The following MCC variants were observed in gnomAD, a reference collection of about 807,000 sequenced individuals.
MCC encodes the protein MCC regulator of Wnt signaling pathway, also known as colorectal mutant cancer protein.
A neutral mutation model predicts 116.2 loss-of-function variants in MCC; 90 were observed. The observed-to-expected ratio is 0.77, with a 90% CI of 0.65 to 0.92. The LOEUF (loss-of-function observed/expected upper bound fraction) is 0.92. Ranked by LOEUF, MCC falls within the 40% of genes least tolerant of loss-of-function variation. The pLI, the probability that MCC is intolerant of heterozygous loss-of-function variation, is 0.00. For missense variants in MCC, 1,516 were observed against 1,312.2 expected, an observed-to-expected ratio of 1.16 and a Z score of -2.40; for synonymous variants, 578 against 510.5, an observed-to-expected ratio of 1.13 and a Z score of -1.78.
At chr5:113,270,248 T>C (rs17135525) in intron 3 of MCC, among the ~76,000 whole-genome samples, 4,906 of 152,168 alleles carry the variant, frequency 0.032, 107 homozygotes, top group East Asian at 0.076. Flanking sequence ...TAGTTCTAAG[T>C]CAGTAATGAA....
intron 3 of MCC, among the ~76,000 whole-genome samples, chr5:113,332,927 A>C (rs10076501): frequency 0.57 from 86,866 of 151,384 alleles, 26,687 homozygotes; most frequent in African/African-American, 0.75. Flanking sequence ...TTTATTTCAA[A>C]ATTTCTGAAA....
intron 1 of MCC, among the ~76,000 whole-genome samples, chr5:113,395,018 T>G (rs1189568228): frequency 6.6e-6 from 1 of 152,212 alleles, no homozygotes; most frequent in Non-Finnish European, 1.5e-5. Flanking sequence ...TATGACCCTT[T>G]ACAGAAAAAG....
At chr5:113,314,173 C>A (rs1308439300) in intron 3 of MCC, among the ~76,000 whole-genome samples, 2 of 152,104 alleles carry the variant, frequency 1.3e-5, no homozygotes, top group Non-Finnish European at 2.9e-5. Flanking sequence ...CCCAGGGAGG[C>A]CTGTATAAAA....
At chr5:113,413,558 T>C (rs1418922248) in intron 1 of MCC, among the ~76,000 whole-genome samples, 4 of 152,256 alleles carry the variant, frequency 2.6e-5, no homozygotes, top group Admixed American at 1.3e-4. Context: ...TTTATTTGCA[T>C]AGAGGTGTTT....
chr5:113,245,206 G>A lies in MCC; in HGVS notation c.628-93784C>T, dbSNP rs184175931. The stretch of plus-strand genomic sequence containing the variant: ...CACCAGGAGGCCGAGGCAGGAGAAC[G>A]GCTTGAACCAGGGAGGCAGAAGTTG... On this transcript the variant is annotated intron_variant, in intron 3 of 18. Coordinates refer to ENST00000408903, the MANE Select transcript of MCC (RefSeq NM_001085377.2). Among the ~76,000 whole-genome samples the A allele has an allele frequency of 1.1e-3, 167 of 151,492 alleles. 1 individual carries two copies. The highest frequency in any genetic ancestry group is 3.8e-3 in the African/African-American group (158 of 41,204).
intron 1 of MCC, among the ~76,000 whole-genome samples, chr5:113,480,666 A>C (rs548733043): frequency 9.2e-5 from 14 of 152,366 alleles, no homozygotes; most frequent in Middle Eastern, 3.4e-3. Flanking sequence ...ACTATAGAAA[A>C]TAGTTTGCTG....
intron 2 of MCC, among the ~76,000 whole-genome samples, chr5:113,381,196 T>C (rs1044095195): frequency 6.6e-6 from 1 of 152,182 alleles, no homozygotes; most frequent in Non-Finnish European, 1.5e-5. Context: ...GCTATACTTT[T>C]GCACGCGAGA....
chr5:113,414,291 G>A (rs112240337), intron 1 of MCC, among the ~76,000 whole-genome samples: 4 of 152,164 alleles, frequency 2.6e-5, no homozygotes, highest in African/African-American at 7.2e-5. Flanking sequence ...GGTCCACTTG[G>A]TGCAGAGCTG....
rs1767357961 is a variant in MCC, at chr5:113,319,120, A to G, written c.627+21399T>C. ...TGGGCTCAAGCAATTCACCCACCTC[A>G]GCCACACAAAGTGCTGAAACTATAG... On this transcript the variant is annotated intron_variant, in intron 3 of 18. Coordinates refer to ENST00000408903, the MANE Select transcript of MCC (RefSeq NM_001085377.2). 3.3e-5 allele frequency among the ~76,000 whole-genome samples: 5 copies of G among 152,234 alleles called. No homozygotes were observed. The South Asian group carries it at 1.0e-3, about 31-fold the overall frequency.
intron 3 of MCC, among the ~76,000 whole-genome samples, chr5:113,153,550 C>A (rs1318275484): frequency 2.0e-5 from 3 of 152,226 alleles, no homozygotes; most frequent in South Asian, 4.1e-4. Flanking sequence ...GGGGGCAGGT[C>A]CCTTCACTTC....
At chr5:113,430,568 A>G (rs943022833) in intron 1 of MCC, among the ~76,000 whole-genome samples, 20 of 152,244 alleles carry the variant, frequency 1.3e-4, no homozygotes, top group Admixed American at 1.0e-3. Context: ...CAGGAAGGAC[A>G]ATTCCTCAGG....
intron 1 of MCC, among the ~76,000 whole-genome samples, chr5:113,460,439 C>T (rs150730080): frequency 7.9e-4 from 120 of 152,290 alleles, no homozygotes; most frequent in African/African-American, 2.6e-3. Flanking sequence ...GTATTCCCTC[C>T]TCTTTACCTT....
At chr5:113,309,322 T>C (rs1467704170) in intron 3 of MCC, among the ~76,000 whole-genome samples, 2 of 152,238 alleles carry the variant, frequency 1.3e-5, no homozygotes, top group African/African-American at 2.4e-5. Flanking sequence ...CAATAGGTAA[T>C]TTTTTACCCC....
At chr5:113,120,555 T>C (rs572061982) in intron 6 of MCC, among the ~76,000 whole-genome samples, 35 of 152,324 alleles carry the variant, frequency 2.3e-4, no homozygotes, top group Non-Finnish European at 3.4e-4. Context: ...GACTGGTGGA[T>C]TGGTTTATTA....
At chr5:113,175,151 GA>G (rs1458789931) in intron 3 of MCC, among the ~76,000 whole-genome samples, 4 of 152,164 alleles carry the variant, frequency 2.6e-5, no homozygotes, top group Admixed American at 6.5e-5. Flanking sequence ...TTTGTGCTTT[GA>G]AAGGAGAGGC....
chr5:113,206,288 GAATCCTATTGTTCACCCATTTGC>G (rs990558824), intron 3 of MCC, among the ~76,000 whole-genome samples: 2 of 152,084 alleles, frequency 1.3e-5, no homozygotes, highest in Non-Finnish European at 2.9e-5. Context: ...CCCCTAACTG[GAATCCTATTGTTCACCCATTTGC>G]TCATATGTGT....
chr5:113,072,823 C>T (rs1754132169), intron 11 of MCC, among the ~76,000 whole-genome samples: 1 of 152,196 alleles, frequency 6.6e-6, no homozygotes, highest in South Asian at 2.1e-4. Flanking sequence ...GCGCTTTCTT[C>T]TGAGGGCCAG....
At chr5:113,170,028 T>C (rs1760991830) in intron 3 of MCC, among the ~76,000 whole-genome samples, 1 of 152,182 alleles carries the variant, frequency 6.6e-6, no homozygotes, top group African/African-American at 2.4e-5. Flanking sequence ...ACAGCTACTA[T>C]GGTAGAATTA....
chr5:113,469,324 C>A (rs1772011337), intron 1 of MCC, among the ~76,000 whole-genome samples: 1 of 152,088 alleles, frequency 6.6e-6, no homozygotes, highest in African/African-American at 2.4e-5. Flanking sequence ...GCGTTTAGTG[C>A]TAGAAATTTC....
Sources: allele counts gnomAD v4.1 joint callset (sites outside exome capture counted in the v4.1 genomes callset), GRCh38; gene constraint gnomAD v4.1.1; transcripts MANE v1.5; gene names NCBI Gene and HGNC (gene_info 2026-07-23, HGNC 2026-07-21).